TNR: variants seen among roughly 807,000 people sequenced by gnomAD.
TNR encodes the protein tenascin-R.
TNR carries 45 observed loss-of-function variants against 150.4 expected under a neutral mutation model. That is an observed-to-expected ratio of 0.30 (90% confidence interval 0.24 to 0.38). TNR has a LOEUF of 0.38. Ranked by LOEUF, TNR falls within the 10% of genes least tolerant of loss-of-function variation. The pLI is 1.00. For synonymous variants in TNR, 687 were observed against 678.4 expected (o/e 1.01, Z -0.20); for missense variants, 1,544 against 1,759.1 (o/e 0.88, Z 2.19).
chr1:175,584,951 T>C lies in TNR; in HGVS notation c.-164-56582A>G, dbSNP rs61805153. Among the ~76,000 whole-genome samples, 170 of 152,332 alleles carry C rather than the reference T, an allele frequency of 1.1e-3. 1 individual carries two copies. Among genetic ancestry groups the C allele is most frequent in the South Asian group, 3.9e-3 (19 of 4,828 alleles). ...GATGCTTTGGTGTCTCCTCCACAAT[T>C]GCACAGAAGCAGTCTGGACAGGGGT... On this transcript the variant is annotated intron_variant, in intron 1 of 22. Coordinates refer to ENST00000367674, the MANE Select transcript of TNR (RefSeq NM_003285.3).
At chr1:175,485,191 C>T (rs1657958354) in intron 2 of TNR, among the ~76,000 whole-genome samples, 1 of 152,172 alleles carries the variant, frequency 6.6e-6, no homozygotes, top group African/African-American at 2.4e-5. Context: ...TGATTCCCTT[C>T]AGCCCCAGTC....
intron 1 of TNR, among the ~76,000 whole-genome samples, chr1:175,665,077 C>T (rs1225230102): frequency 6.6e-6 from 1 of 152,214 alleles, no homozygotes; most frequent in African/African-American, 2.4e-5. Context: ...ATGCTGACAG[C>T]TTGGTCTCAA....
Position 175,446,187 on chromosome 1 carries a change from C to T in TNR, c.-63-39410G>A, listed in dbSNP as rs938670026. Among the ~76,000 whole-genome samples, 6 of 152,132 alleles carry T rather than the reference C, an allele frequency of 3.9e-5. No individual in the cohort carries two copies. In the East Asian group the frequency reaches 7.7e-4, roughly 20 times the overall value. Reference sequence around the variant, plus strand: ...GGCATTGCACATATGTTGACACAAACGAAGTTCTTGGTTTGAGTGCAGCAA... The same window carrying T: ...GGCATTGCACATATGTTGACACAAATGAAGTTCTTGGTTTGAGTGCAGCAA... On this transcript the variant is annotated intron_variant, in intron 2 of 22. Coordinates refer to ENST00000367674, the MANE Select transcript of TNR (RefSeq NM_003285.3).
intron 1 of TNR, among the ~76,000 whole-genome samples, chr1:175,570,087 A>G (rs920729226): frequency 3.1e-4 from 47 of 152,302 alleles, no homozygotes; most frequent in African/African-American, 1.1e-3. Flanking sequence ...AGTCCTAGGA[A>G]TTCCATCTAT....
In TNR at chr1:175,710,732, T is replaced by C. The variant is rs149001287; in HGVS notation, c.-165+32494A>G. On this transcript the variant is annotated intron_variant, in intron 1 of 22. Transcript: ENST00000367674. ...TTAAAATGACTGCAACAGTCTGGTC[T>C]CAGGAGTCTCACTCACTCCCTTCTA... 5.6e-4 allele frequency among the ~76,000 whole-genome samples: 85 copies of C among 152,330 alleles called. No homozygotes were observed. The East Asian group carries it at 0.015, about 27-fold the overall frequency.
intron 4 of TNR, among the ~76,000 whole-genome samples, chr1:175,400,747 C>T (rs1653669581): frequency 6.6e-6 from 1 of 152,168 alleles, no homozygotes; most frequent in African/African-American, 2.4e-5. Context: ...TCTCCTCAGT[C>T]CCATGGGCAA....
At chr1:175,456,679 A>G (rs1656587331) in intron 2 of TNR, among the ~76,000 whole-genome samples, 1 of 152,152 alleles carries the variant, frequency 6.6e-6, no homozygotes, top group Admixed American at 6.5e-5. Context: ...GCCATGTCTA[A>G]AACAAAATGT....
At chr1:175,729,283 C>T (rs1383366363) in intron 1 of TNR, among the ~76,000 whole-genome samples, 4 of 152,108 alleles carry the variant, frequency 2.6e-5, no homozygotes, top group East Asian at 3.9e-4. Flanking sequence ...GAGTGGAGCC[C>T]CTGGCATGGG....
chr1:175,464,080 A>G (rs1036931433), intron 2 of TNR, among the ~76,000 whole-genome samples: 5 of 152,260 alleles, frequency 3.3e-5, no homozygotes, highest in East Asian at 1.9e-4. Context: ...TGATCCTCAC[A>G]TGACTAATCA....
intron 1 of TNR, among the ~76,000 whole-genome samples, chr1:175,535,372 C>G (rs1334511922): frequency 6.6e-6 from 1 of 152,216 alleles, no homozygotes; most frequent in African/African-American, 2.4e-5. Context: ...AACAGTGGCT[C>G]TCTCTGGATG....
chr1:175,735,112 G>A (rs1357632034), intron 1 of TNR, among the ~76,000 whole-genome samples: 1 of 152,176 alleles, frequency 6.6e-6, no homozygotes, highest in African/African-American at 2.4e-5. Flanking sequence ...TTTATAGGTG[G>A]CTCTGGCCTC....
intron 2 of TNR, among the ~76,000 whole-genome samples, chr1:175,422,605 C>T (rs6666777): frequency 0.21 from 32,440 of 152,162 alleles, 3,835 homozygotes; most frequent in East Asian, 0.49. Context: ...TAACAAATTT[C>T]CTGCCTACCC....
At chr1:175,646,192 T>G (rs1479361267) in intron 1 of TNR, among the ~76,000 whole-genome samples, 1 of 152,138 alleles carries the variant, frequency 6.6e-6, no homozygotes, top group Non-Finnish European at 1.5e-5. Flanking sequence ...AAACTTCCCA[T>G]CCTATGGCCA....
At chr1:175,353,851 A>AT (rs55981326) in intron 18 of TNR, among the ~76,000 whole-genome samples, 89,364 of 145,968 alleles carry the variant, frequency 0.61, 26,953 homozygotes, top group East Asian at 0.69. Context: ...ATTTTTATTT[A>AT]TTTTTTTTTT....
At chr1:175,731,826 A>G (rs1667648241) in intron 1 of TNR, among the ~76,000 whole-genome samples, 1 of 152,190 alleles carries the variant, frequency 6.6e-6, no homozygotes, top group Non-Finnish European at 1.5e-5. Context: ...TGCAAAAGCT[A>G]AACCCTAGCT....
chr1:175,682,205 A>G (rs1197813656), intron 1 of TNR, among the ~76,000 whole-genome samples: 1 of 152,200 alleles, frequency 6.6e-6, no homozygotes, highest in South Asian at 2.1e-4. Context: ...AAAAGTTACA[A>G]TGTATTAATT....
intron 1 of TNR, among the ~76,000 whole-genome samples, chr1:175,584,427 A>G (rs1002774549): frequency 1.3e-5 from 2 of 152,136 alleles, no homozygotes; most frequent in African/African-American, 4.8e-5. Flanking sequence ...GCCTGCTGAC[A>G]CCCTGATTCT....
chr1:175,490,046 A>G (rs1658178417), intron 2 of TNR, among the ~76,000 whole-genome samples: 1 of 152,242 alleles, frequency 6.6e-6, no homozygotes, highest in Non-Finnish European at 1.5e-5. Context: ...ATGGAACAAA[A>G]TAGAGATCTC....
rs1020893857 is a variant in TNR at position 175,599,473 on chromosome 1, T to C, written c.-164-71104A>G. Reference sequence around the variant, plus strand: ...TACGAGGAAATGAGAAGACTTGGGGTCTTGCGATCGCCGCCGAGTGACGGA... The same window carrying C: ...TACGAGGAAATGAGAAGACTTGGGGCCTTGCGATCGCCGCCGAGTGACGGA... On this transcript the variant is annotated intron_variant, in intron 1 of 22. Transcript: ENST00000367674. The surrounding 1 kb of genome is among the most constrained non-coding windows in gnomAD (Gnocchi z 4.7). Among the ~76,000 whole-genome samples the C allele has an allele frequency of 1.3e-5, 2 of 152,060 alleles. No homozygotes were observed. The highest frequency in any genetic ancestry group is 2.4e-5 in the African/African-American group (1 of 41,378).
Sources: gnomAD v4.1 joint callset for allele counts (sites outside exome capture counted in the v4.1 genomes callset) on GRCh38, gnomAD v4.1.1 for gene constraint, Gnocchi (gnomAD v3.1) non-coding constraint, MANE v1.5 for transcripts, NCBI Gene and HGNC (gene_info 2026-07-23, HGNC 2026-07-21) for gene names.